Variants in MYO7B observed in about 807,000 individuals in gnomAD.
The protein encoded by MYO7B is myosin VIIB, also known as unconventional myosin-VIIb.
Under a neutral mutation model 259.7 loss-of-function variants are expected in MYO7B, and 212 were observed. The observed-to-expected ratio is 0.82, with a 90% confidence interval of 0.73 to 0.91. The LOEUF (loss-of-function observed/expected upper bound fraction) is 0.91. Ranked by LOEUF, MYO7B falls within the 40% of genes least tolerant of loss-of-function variation. The pLI, the probability that MYO7B is intolerant of heterozygous loss-of-function variation, is 0.00. For missense variants in MYO7B, 2,732 were observed against 2,813.5 expected (o/e 0.97, Z 0.66); for synonymous variants, 1,197 against 1,166.4 (o/e 1.03, Z -0.54).
At chr2:127,571,445 T>TTTTG (rs1678612180) in intron 6 of MYO7B, among the ~76,000 whole-genome samples, 1 of 141,546 alleles carries the variant, frequency 7.1e-6, no homozygotes, top group Non-Finnish European at 1.5e-5. Flanking sequence ...CCAGTGAGTT[T>TTTTG]TTTTTTTTTT....
intron 1 of MYO7B, among the ~76,000 whole-genome samples, chr2:127,543,126 C>T (rs1447715705): frequency 6.6e-6 from 1 of 152,152 alleles, no homozygotes; most frequent in African/African-American, 2.4e-5. Flanking sequence ...AGACCCTTTA[C>T]GGGTGTCGGG....
Position 127,592,882 on chromosome 2 carries a change from G to A in MYO7B, c.2081G>A (p.Arg694His), listed in dbSNP as rs370629024. 1.2e-5 allele frequency: 19 copies of A among 1,609,400 alleles called. No homozygotes were observed. The African/African-American group carries it at 2.0e-4, about 17-fold the overall frequency. The change falls in exon 17 of 48, where the codon CGC (arginine) becomes CAC (histidine). Residue 694 changes from arginine to histidine, a missense_variant. Transcript: ENST00000409816. The stretch of plus-strand genomic sequence containing the variant: ...ATCCGCAAGTCGGGCTTCCCCATCC[G>A]CTACACGTTCGAGGAGTTCTCGCAG... ...VHIRKSGFPI[R>H]YTFEEFSQRF...
chr2:127,564,739 G>T (rs1678258905), intron 3 of MYO7B, among the ~76,000 whole-genome samples: 4 of 152,206 alleles, frequency 2.6e-5, no homozygotes. Context: ...TCTGTGCTCA[G>T]CTGGGTGCTG....
At chr2:127,542,029 T>A (rs1693025271) in intron 1 of MYO7B, among the ~76,000 whole-genome samples, 1 of 152,248 alleles carries the variant, frequency 6.6e-6, no homozygotes, top group Non-Finnish European at 1.5e-5. Context: ...TTCTCATTCT[T>A]ACCCTGGGCT....
intron 12 of MYO7B, among the ~76,000 whole-genome samples, chr2:127,582,856 C>G (rs1037348067): frequency 1.4e-4 from 21 of 152,232 alleles, no homozygotes; most frequent in African/African-American, 4.8e-4. Flanking sequence ...GGGTAAGGCA[C>G]AGCAGGACTC....
chr2:127,543,752 A>AT (rs1254766609), intron 1 of MYO7B, among the ~76,000 whole-genome samples: 13 of 142,982 alleles, frequency 9.1e-5, no homozygotes, highest in Non-Finnish European at 1.1e-4. Context: ...ATATATATAT[A>AT]TTTTTTTTTT....
At chr2:127,578,329 G>A (rs746491011) in intron 9 of MYO7B, 43 bp downstream of exon 9, 45 of 1,611,090 alleles carry the variant, frequency 2.8e-5, no homozygotes, top group Non-Finnish European at 3.4e-5. Context: ...GGGAGGGAGA[G>A]GGAAGGGGAC....
rs1025726953 is a variant in MYO7B, at chr2:127,628,402, C to T, written c.4491C>T (p.Leu1497=). The part of the protein sequence containing the change: ...REAQGGQRLL[L]STMHEEYEFV... ...CCCAGGGCGGGCAGAGGCTGCTGCTCTCCACGATGCATGAGGAGTACGAGT... is the reference window on the plus strand; with the variant it reads ...CCCAGGGCGGGCAGAGGCTGCTGCTTTCCACGATGCATGAGGAGTACGAGT... The change falls in exon 34 of 48, where the codon CTC becomes CTT. Residue 1497 remains leucine, a synonymous_variant. Coordinates refer to ENST00000409816, the MANE Select transcript of MYO7B (RefSeq NM_001393586.1). This position sits in a 1 kb window ranked among gnomAD's most constrained non-coding sequence, Gnocchi z 4.8. 2 of 1,601,198 alleles carry T rather than the reference C, an allele frequency of 1.2e-6. No individual in the cohort carries two copies. Among genetic ancestry groups the T allele is most frequent in the Non-Finnish European group, 8.5e-7 (1 of 1,175,910 alleles).
chr2:127,632,186 T>G, intron 38 of MYO7B, 60 bp from the exon 39 acceptor site: 1 of 1,550,464 alleles, frequency 6.4e-7, no homozygotes, highest in East Asian at 2.4e-5. Context: ...CTCCCCAAGG[T>G]GCCTGCCTGG....
rs761710645 is a variant in MYO7B at position 127,624,274 on chromosome 2, G to A, written c.4001G>A (p.Arg1334His). The A allele has an allele frequency of 1.7e-5, 27 of 1,590,496 alleles. No individual in the cohort carries two copies. Among genetic ancestry groups the A allele is most frequent in the South Asian group, 3.5e-5 (3 of 86,916 alleles). Residue 1334 changes from arginine (R) to histidine (H), a missense_variant, in exon 30 of 48, where the codon CGC (arginine) becomes CAC (histidine). Coordinates refer to ENST00000409816, the MANE Select transcript of MYO7B (RefSeq NM_001393586.1). The stretch of plus-strand genomic sequence containing the variant: ...CCTGTCAGCACCGAGCTTATTTACC[G>A]CCAAGTCCTCCGAGGAGTCTGGTCT... ...EDPVSTELIY[R>H]QVLRGVWSGE...
chr2:127,584,898 T>C lies in MYO7B; in HGVS notation c.1675T>C (p.Tyr559His). 6.2e-7 allele frequency: 1 copy of C among 1,613,844 alleles called. No individual in the cohort carries two copies. Among genetic ancestry groups the C allele is most frequent in the Non-Finnish European group, 8.5e-7 (1 of 1,179,870 alleles). Residue 559 changes from tyrosine (Y) to histidine (H), a missense_variant, in exon 14 of 48, where the codon TAC (tyrosine) becomes CAC (histidine). Coordinates refer to ENST00000409816, the MANE Select transcript of MYO7B (RefSeq NM_001393586.1). This position sits in a 1 kb window ranked among gnomAD's most constrained non-coding sequence, Gnocchi z 5.8. ...FGIAHFAGEV[Y>H]YQAEGFLEKN... is the part of the protein sequence containing the mutation. ...CATTGCCCATTTTGCCGGCGAGGTG[T>C]ACTACCAAGCAGAAGGTGGGTGCAG...
At chr2:127,536,674 T>G (rs1337236446) in intron 1 of MYO7B, among the ~76,000 whole-genome samples, 1 of 152,224 alleles carries the variant, frequency 6.6e-6, no homozygotes, top group Non-Finnish European at 1.5e-5. Flanking sequence ...AAATTCTCCA[T>G]GACGAGGCCT....
At chr2:127,580,237 C>T (rs144914926) in intron 9 of MYO7B, among the ~76,000 whole-genome samples, 48 of 152,270 alleles carry the variant, frequency 3.2e-4, no homozygotes, top group Non-Finnish European at 6.2e-4. Flanking sequence ...CTAAGCTGGA[C>T]GTTGGTTGAA....
At chr2:127,587,822 C>T (rs1679362217) in intron 14 of MYO7B, among the ~76,000 whole-genome samples, 1 of 152,026 alleles carries the variant, frequency 6.6e-6, no homozygotes, top group Non-Finnish European at 1.5e-5. Flanking sequence ...CTGCCTCAGC[C>T]TCCCAAAGTG....
At position 127,607,371 on chromosome 2, in the gene MYO7B, G is replaced by A; in HGVS notation, c.2590G>A (p.Ala864Thr). ...GAGGAGGGCAGTGGTGGTCATTCAG[G>A]CCCATGCCAGGGGCATGGCTGCCCG... ...AKRRAVVVIQ[A>T]HARGMAARRN... is the part of the protein sequence containing the mutation. Residue 864 changes from alanine to threonine, a missense_variant, in exon 21 of 48, where the codon GCC (alanine) becomes ACC (threonine). Ala to Thr is a moderately conservative substitution (Grantham distance 58, BLOSUM62 0). This residue lies in a region of MYO7B where 1,906 missense variants were observed against 2,026.4 expected (regional missense o/e 0.94). Coordinates refer to ENST00000409816, the MANE Select transcript of MYO7B (RefSeq NM_001393586.1). The surrounding 1 kb of genome is among the most constrained non-coding windows in gnomAD (Gnocchi z 4.4). 1 of 1,551,390 alleles carries A rather than the reference G, an allele frequency of 6.4e-7. No individual in the cohort carries two copies. The highest frequency in any genetic ancestry group is 8.7e-7 in the Non-Finnish European group (1 of 1,146,850).
chr2:127,588,889 ATGGATGGATGGATGAG>A (rs200880436), intron 15 of MYO7B, among the ~76,000 whole-genome samples: 1,631 of 132,542 alleles, frequency 0.012, 34 homozygotes, highest in African/African-American at 0.045. Context: ...GGTTGGTTGG[ATGGATGGATGGATGAG>A]TGGATGGATG....
In MYO7B at chr2:127,562,266, C is replaced by T. The variant is rs149227136; in HGVS notation, c.19-1887C>T. Among the ~76,000 whole-genome samples, 197 of 152,132 alleles carry T rather than the reference C, an allele frequency of 1.3e-3. 1 individual carries two copies. The highest frequency in any genetic ancestry group is 3.8e-3 in the African/African-American group (156 of 41,520). Reference sequence around the variant, plus strand: ...TTGTATTTTTGCCCATCTTCTATAGCGATCTTCTTCCTAATTCTAATTTTA... The same window carrying T: ...TTGTATTTTTGCCCATCTTCTATAGTGATCTTCTTCCTAATTCTAATTTTA... On this transcript the variant is annotated intron_variant, in intron 2 of 47. Transcript: ENST00000409816.
chr2:127,607,171 T>A lies in MYO7B; in HGVS notation c.2425-35T>A. 1 of 1,520,682 alleles carries A rather than the reference T, an allele frequency of 6.6e-7. No individual in the cohort carries two copies. 94.2% of individuals were successfully genotyped at this position (1,520,682 alleles called of 1,614,324 possible). A position where few individuals can be genotyped will look rare whatever the true frequency, so the allele number is the denominator to read the frequency against. ...TCTCTGTTTCCTGGGGAAGGCCTTC[T>A]TGCCCCTGATCTCACCTCTCTCTTG... On this transcript the variant is annotated intron_variant, in intron 20 of 47. Transcript: ENST00000409816. The surrounding 1 kb of genome is among the most constrained non-coding windows in gnomAD (Gnocchi z 4.4).
intron 36 of MYO7B, 38 bp downstream of exon 36, chr2:127,630,946 C>G (rs1681459918): frequency 6.6e-7 from 1 of 1,519,856 alleles, no homozygotes; most frequent in Non-Finnish European, 8.9e-7. Flanking sequence ...TGCACCCCCA[C>G]CTCCCAGCCC....
Sources: gnomAD v4.1 joint callset for allele counts (sites outside exome capture counted in the v4.1 genomes callset) on GRCh38, gnomAD v4.1.1 for gene constraint, gnomAD v4.1.1 regional missense constraint, Gnocchi (gnomAD v3.1) non-coding constraint, MANE v1.5 for transcripts, NCBI Gene and HGNC (gene_info 2026-07-23, HGNC 2026-07-21) for gene names.